The following PLPPR1 variants were observed in gnomAD, a reference collection of about 807,000 sequenced individuals.
The protein encoded by PLPPR1 is phospholipid phosphatase-related protein type 1.
A neutral mutation model predicts 33.1 loss-of-function variants in PLPPR1; 10 were observed. The ratio of observed to expected loss-of-function variants is 0.30; its 90% CI spans 0.19 to 0.51. The LOEUF (loss-of-function observed/expected upper bound fraction) is 0.51. PLPPR1 is among the 20% of genes least tolerant of loss of function. The probability of loss-of-function intolerance (pLI) is 0.97; values close to 1 mark genes in which losing one functional copy is unlikely to be tolerated. For synonymous variants in PLPPR1, 151 were observed against 151.0 expected, an observed-to-expected ratio of 1.00 and a Z score of 0.00; for missense variants, 304 against 408.1, an observed-to-expected ratio of 0.74 and a Z score of 2.20.
chr9:101,277,067 G>A (rs1828210509), intron 3 of PLPPR1, among the ~76,000 whole-genome samples: 1 of 152,216 alleles, frequency 6.6e-6, no homozygotes, highest in African/African-American at 2.4e-5. Context: ...GACATTGGCA[G>A]TTAGGGCTAG....
chr9:101,290,136 A>G (rs1828468467), intron 4 of PLPPR1, among the ~76,000 whole-genome samples: 1 of 152,232 alleles, frequency 6.6e-6, no homozygotes, highest in Non-Finnish European at 1.5e-5. Flanking sequence ...GACTCTTTAA[A>G]TGGAAATGTT....
intron 1 of PLPPR1, among the ~76,000 whole-genome samples, chr9:101,086,849 A>G (rs1004266241): frequency 6.6e-6 from 1 of 152,136 alleles, no homozygotes; most frequent in Non-Finnish European, 1.5e-5. Context: ...TAATCTAAAT[A>G]TTATCTCATG....
chr9:101,082,844 A>T (rs529867180), intron 1 of PLPPR1, among the ~76,000 whole-genome samples: 1 of 152,282 alleles, frequency 6.6e-6, no homozygotes, highest in Non-Finnish European at 1.5e-5. Flanking sequence ...AATGGGGATG[A>T]TGTGAATGTT....
In PLPPR1 at chr9:101,059,320, A is replaced by G. The variant is rs533092989; in HGVS notation, c.-46+30218A>G. Among the ~76,000 whole-genome samples, 423 of 152,268 alleles carry G rather than the reference A, an allele frequency of 2.8e-3. 3 individuals carry two copies. Among genetic ancestry groups the G allele is most frequent in the African/African-American group, 9.5e-3 (397 of 41,582 alleles). On this transcript the variant is annotated intron_variant, in intron 1 of 7. Transcript: ENST00000374874. ...GAAAAGGTTTTAGCATGTTTTTATG[A>G]GTAAAAAATAGTTTGTGTGAATCAT...
chr9:101,158,083 C>T (rs888732370), intron 1 of PLPPR1, among the ~76,000 whole-genome samples: 2 of 151,926 alleles, frequency 1.3e-5, no homozygotes, highest in African/African-American at 2.4e-5. Context: ...GTGTTACAAA[C>T]TACAGTGAAA....
At chr9:101,119,410 T>C (rs965498859) in intron 1 of PLPPR1, among the ~76,000 whole-genome samples, 1 of 152,024 alleles carries the variant, frequency 6.6e-6, no homozygotes, top group African/African-American at 2.4e-5. Context: ...ATATGGCCAG[T>C]GGAGGGCAGC....
intron 2 of PLPPR1, among the ~76,000 whole-genome samples, chr9:101,223,674 T>C (rs1827000711): frequency 6.6e-6 from 1 of 152,118 alleles, no homozygotes; most frequent in South Asian, 2.1e-4. Context: ...GCATTTCCCC[T>C]GCTTGTACTC....
intron 1 of PLPPR1, among the ~76,000 whole-genome samples, chr9:101,073,560 G>A (rs1472071552): frequency 2.0e-5 from 3 of 152,084 alleles, no homozygotes; most frequent in South Asian, 2.1e-4. Flanking sequence ...TCCCTTGGTG[G>A]AGAAATTGAT....
At chr9:101,225,388 G>A (rs914918073) in intron 2 of PLPPR1, among the ~76,000 whole-genome samples, 3 of 152,084 alleles carry the variant, frequency 2.0e-5, no homozygotes, top group Non-Finnish European at 4.4e-5. Context: ...AGCAGGCACC[G>A]CAGATGGATT....
chr9:101,297,350 G>T (rs1389065821), intron 4 of PLPPR1, among the ~76,000 whole-genome samples: 1 of 152,154 alleles, frequency 6.6e-6, no homozygotes, highest in African/African-American at 2.4e-5. Context: ...CCTCTCGTCT[G>T]TGTGGCATGG....
At chr9:101,113,299 G>T (rs912929643) in intron 1 of PLPPR1, among the ~76,000 whole-genome samples, 1 of 150,192 alleles carries the variant, frequency 6.7e-6, no homozygotes, top group Non-Finnish European at 1.5e-5. Context: ...AAAACTAAAC[G>T]AAACAAAACA....
intron 2 of PLPPR1, among the ~76,000 whole-genome samples, chr9:101,190,995 C>G (rs1300653400): frequency 6.6e-6 from 1 of 152,174 alleles, no homozygotes; most frequent in Non-Finnish European, 1.5e-5. Context: ...ATCTCCCAGT[C>G]TCAGCTGATC....
At chr9:101,222,429 C>G (rs1002191451) in intron 2 of PLPPR1, among the ~76,000 whole-genome samples, 1 of 152,258 alleles carries the variant, frequency 6.6e-6, no homozygotes, top group Middle Eastern at 3.4e-3. Context: ...AGAGGGCTAG[C>G]CTTCTGAGAG....
At chr9:101,090,909 G>A (rs1305690005) in intron 1 of PLPPR1, among the ~76,000 whole-genome samples, 1 of 151,116 alleles carries the variant, frequency 6.6e-6, no homozygotes, top group Non-Finnish European at 1.5e-5. Context: ...AAATTCCACT[G>A]TTCTTCATGG....
intron 1 of PLPPR1, among the ~76,000 whole-genome samples, chr9:101,153,605 C>T (rs1083048): frequency 0.46 from 69,129 of 151,912 alleles, 16,171 homozygotes; most frequent in Non-Finnish European, 0.51. Context: ...GACAGAGTCT[C>T]GCTCTGTTTC....
intron 1 of PLPPR1, among the ~76,000 whole-genome samples, chr9:101,176,817 C>A (rs1826025875): frequency 6.6e-6 from 1 of 152,150 alleles, no homozygotes; most frequent in African/African-American, 2.4e-5. Context: ...TTAATAATCA[C>A]TTTTCATACC....
At chr9:101,255,487 G>A (rs1004979802) in intron 2 of PLPPR1, among the ~76,000 whole-genome samples, 1 of 152,082 alleles carries the variant, frequency 6.6e-6, no homozygotes, top group Non-Finnish European at 1.5e-5. Context: ...TCTGTGTTTC[G>A]AAGATTGCAA....
At chr9:101,317,311 C>G (rs1039299648) in intron 6 of PLPPR1, 54 bp from the exon 7 acceptor site, 9 of 1,572,172 alleles carry the variant, frequency 5.7e-6, no homozygotes. Context: ...TCACAGATGC[C>G]AGGCATTGAT....
chr9:101,317,432 C>A lies in PLPPR1; in HGVS notation c.881C>A (p.Pro294His), dbSNP rs1238762922. 1.2e-6 allele frequency: 2 copies of A among 1,614,000 alleles called. No individual in the cohort carries two copies. The highest frequency in any genetic ancestry group is 4.5e-5 in the East Asian group (2 of 44,864). Residue 294 changes from proline to histidine, a missense_variant, in exon 7 of 8, where the codon CCC (proline) becomes CAC (histidine). By Grantham distance (77) the Pro-to-His change is moderately conservative (BLOSUM62 -2). Coordinates refer to ENST00000374874, the MANE Select transcript of PLPPR1 (RefSeq NM_207299.2). The part of the protein sequence containing the change: ...GSPSKPKPED[P>H]RGVPLMAFPR... ...CCTTCCAAACCCAAGCCTGAGGATC[C>A]CCGTGGAGTACCCCTAATGGCTTTC...
Sources: allele counts gnomAD v4.1 joint callset (sites outside exome capture counted in the v4.1 genomes callset), GRCh38; gene constraint gnomAD v4.1.1; transcripts MANE v1.5; gene names NCBI Gene and HGNC (gene_info 2026-07-23, HGNC 2026-07-21).